Variants in KLHL1 observed in about 807,000 individuals in gnomAD.
KLHL1 encodes kelch like family member 1.
In KLHL1, 47 loss-of-function variants were observed where a neutral mutation model predicts 77.7. The observed-to-expected ratio is 0.60, with a 90% CI of 0.48 to 0.77. The LOEUF (loss-of-function observed/expected upper bound fraction) is 0.77. KLHL1 is among the 30% of genes least tolerant of loss of function. KLHL1 has a pLI of 0.00. For synonymous variants in KLHL1, 360 were observed against 325.2 expected, an observed-to-expected ratio of 1.11 and a Z score of -1.15; for missense variants, 925 against 910.8, an observed-to-expected ratio of 1.02 and a Z score of -0.20.
chr13:69,859,872 AT>A (rs1220480742), intron 5 of KLHL1, among the ~76,000 whole-genome samples: 1 of 152,124 alleles, frequency 6.6e-6, no homozygotes, highest in Non-Finnish European at 1.5e-5. Flanking sequence ...CTAAGTGATC[AT>A]TATCACATTG....
chr13:69,711,973 C>T (rs1566353342), intron 9 of KLHL1, among the ~76,000 whole-genome samples: 1 of 152,082 alleles, frequency 6.6e-6, no homozygotes, highest in Non-Finnish European at 1.5e-5. Flanking sequence ...CGACTAATGC[C>T]ATCCAATCAT....
chr13:70,079,773 T>C (rs1051373298), intron 1 of KLHL1, among the ~76,000 whole-genome samples: 3 of 152,156 alleles, frequency 2.0e-5, no homozygotes, highest in African/African-American at 7.2e-5. Context: ...AACGAAGCAT[T>C]AGTGATGTTA....
chr13:70,079,720 AG>A (rs1887349627), intron 1 of KLHL1, among the ~76,000 whole-genome samples: 1 of 152,154 alleles, frequency 6.6e-6, no homozygotes, highest in Non-Finnish European at 1.5e-5. Context: ...AAAACAACCC[AG>A]TGAACTAGGT....
chr13:70,086,281 C>CAAA (rs71707367), intron 1 of KLHL1, among the ~76,000 whole-genome samples: 7 of 145,576 alleles, frequency 4.8e-5, no homozygotes, highest in African/African-American at 1.8e-4. Flanking sequence ...TAAAAAGTTT[C>CAAA]AAAAAAAAAA....
At chr13:69,789,051 CT>C (rs1876724197) in intron 7 of KLHL1, among the ~76,000 whole-genome samples, 1 of 117,480 alleles carries the variant, frequency 8.5e-6, no homozygotes, top group Non-Finnish European at 1.9e-5. Context: ...ATCTATCTAT[CT>C]ATCTATCTAT....
chr13:70,081,011 T>G (rs1887379504), intron 1 of KLHL1, among the ~76,000 whole-genome samples: 1 of 152,222 alleles, frequency 6.6e-6, no homozygotes, highest in Admixed American at 6.5e-5. Context: ...CATTGCAAAG[T>G]GCATATCATA....
chr13:69,760,782 C>A (rs896759571), intron 7 of KLHL1, among the ~76,000 whole-genome samples: 18 of 152,136 alleles, frequency 1.2e-4, no homozygotes. Context: ...ATAAGCATCC[C>A]TGGATGAGCC....
chr13:69,736,364 G>A (rs1035693554), intron 8 of KLHL1, among the ~76,000 whole-genome samples: 1 of 152,038 alleles, frequency 6.6e-6, no homozygotes, highest in African/African-American at 2.4e-5. Context: ...TTGCAAGAAT[G>A]GTCATAATCC....
intron 6 of KLHL1, among the ~76,000 whole-genome samples, chr13:69,828,610 G>A (rs1038231458): frequency 1.3e-5 from 2 of 150,108 alleles, no homozygotes; most frequent in South Asian, 2.1e-4. Context: ...GGAGGGGTGA[G>A]GCCTAAAAAC....
rs182018913 is a variant in KLHL1 at position 70,017,219 on chromosome 13, C to T, written c.498-41417G>A. Among the ~76,000 whole-genome samples, 493 of 152,296 alleles carry T rather than the reference C, an allele frequency of 3.2e-3. 3 individuals carry two copies. Among genetic ancestry groups the T allele is most frequent in the Non-Finnish European group, 5.1e-3 (346 of 68,010 alleles). ...AGATCTGAAACACACCTCCTACTTG[C>T]CATGTTGCCAGTGATGAGGAGAAAA... On this transcript the variant is annotated intron_variant, in intron 1 of 10. Transcript: ENST00000377844.
intron 7 of KLHL1, among the ~76,000 whole-genome samples, chr13:69,770,790 C>A (rs1271605652): frequency 6.6e-6 from 1 of 152,054 alleles, no homozygotes. Context: ...ACTCTGTTGC[C>A]CAGACTGGAA....
chr13:69,838,980 G>T lies in KLHL1; in HGVS notation c.1410C>A (p.Asn470Lys). 6.2e-7 allele frequency: 1 copy of T among 1,600,450 alleles called. No individual in the cohort carries two copies. Among genetic ancestry groups the T allele is most frequent in the Non-Finnish European group, 8.5e-7 (1 of 1,173,154 alleles). ...TLYAVGGMDN[N>K]KGATTIEKYD... Reference sequence around the variant, plus strand: ...TATAAATCCAGAATTAAATACCTTTGTTGTTATCCATTCCTCCTACAGCAT... The same window carrying T: ...TATAAATCCAGAATTAAATACCTTTTTTGTTATCCATTCCTCCTACAGCAT... The change falls in exon 6 of 11, where the codon AAC (asparagine) becomes AAA (lysine). Residue 470 changes from asparagine (N) to lysine (K), a missense_variant. Physicochemically the swap from Asn to Lys is moderately conservative, Grantham distance 94. Transcript: ENST00000377844.
chr13:70,050,625 A>AT (rs1432432413), intron 1 of KLHL1, among the ~76,000 whole-genome samples: 1 of 151,940 alleles, frequency 6.6e-6, no homozygotes, highest in Non-Finnish European at 1.5e-5. Flanking sequence ...TTCTACACAG[A>AT]TTTTGATTAC....
chr13:69,780,648 AGACT>A (rs1876094246), intron 7 of KLHL1, among the ~76,000 whole-genome samples: 1 of 142,752 alleles, frequency 7.0e-6, no homozygotes, highest in East Asian at 2.0e-4. Flanking sequence ...GCCAAGGAAA[AGACT>A]GATGATAAAT....
At chr13:69,769,311 C>T (rs1310396132) in intron 7 of KLHL1, among the ~76,000 whole-genome samples, 1 of 152,136 alleles carries the variant, frequency 6.6e-6, no homozygotes, top group African/African-American at 2.4e-5. Flanking sequence ...ATGTTTCCAG[C>T]TTGGTAAAAT....
intron 2 of KLHL1, among the ~76,000 whole-genome samples, chr13:69,961,791 T>A (rs908365683): frequency 2.0e-5 from 3 of 149,882 alleles, no homozygotes; most frequent in Non-Finnish European, 4.4e-5. Context: ...TTTGAACGCA[T>A]AACATATATT....
chr13:70,020,067 A>G (rs1395404248), intron 1 of KLHL1, among the ~76,000 whole-genome samples: 1 of 152,090 alleles, frequency 6.6e-6, no homozygotes, highest in Non-Finnish European at 1.5e-5. Context: ...CATCACCTTG[A>G]TCTTGGACTT....
chr13:69,770,978 A>G (rs1875535942), intron 7 of KLHL1, among the ~76,000 whole-genome samples: 1 of 152,220 alleles, frequency 6.6e-6, no homozygotes, highest in Non-Finnish European at 1.5e-5. Context: ...GAATGGCATA[A>G]GCAAATGTGA....
intron 4 of KLHL1, among the ~76,000 whole-genome samples, chr13:69,922,192 C>T (rs903244873): frequency 1.3e-5 from 2 of 152,040 alleles, no homozygotes; most frequent in Non-Finnish European, 2.9e-5. Flanking sequence ...AGGGATTCTC[C>T]TGCCTTGGCC....
Sources: gnomAD v4.1 joint callset for allele counts (sites outside exome capture counted in the v4.1 genomes callset) on GRCh38, gnomAD v4.1.1 for gene constraint, MANE v1.5 for transcripts, NCBI Gene and HGNC (gene_info 2026-07-23, HGNC 2026-07-21) for gene names.